TPR: variants seen among roughly 807,000 people sequenced by gnomAD.
The protein encoded by TPR is translocated promoter region, nuclear basket protein.
In TPR, 51 loss-of-function variants were observed where a neutral mutation model predicts 316.1. The observed-to-expected ratio is 0.16, with a 90% CI of 0.13 to 0.20. The LOEUF (loss-of-function observed/expected upper bound fraction) is 0.20, where lower values mean the gene tolerates loss of function less well. TPR is among the 10% of genes least tolerant of loss of function. The pLI is 1.00. For synonymous variants in TPR, 981 were observed against 914.7 expected (o/e 1.07, Z -1.31); for missense variants, 2,272 against 2,754.8 (o/e 0.82, Z 3.92).
intron 2 of TPR, among the ~76,000 whole-genome samples, chr1:186,372,090 C>T (rs1558043910): frequency 1.3e-5 from 2 of 152,098 alleles, no homozygotes; most frequent in South Asian, 4.1e-4. Flanking sequence ...ATATACATTA[C>T]GTTTTTAAAA....
chr1:186,355,318 A>C (rs1658992233), intron 17 of TPR, 92 bp downstream of exon 17: 1 of 1,371,800 alleles, frequency 7.3e-7, no homozygotes, highest in Non-Finnish European at 1.0e-6. Context: ...AAAAAAAGCA[A>C]CACTATTGCA....
intron 2 of TPR, among the ~76,000 whole-genome samples, chr1:186,371,742 T>C (rs973163123): frequency 1.3e-5 from 2 of 152,210 alleles, no homozygotes; most frequent in African/African-American, 4.8e-5. Flanking sequence ...TTAACTTCTA[T>C]TTAAAGAGGA....
Position 186,312,470 on chromosome 1 carries a change from C to T in TPR, c.*1501G>A, listed in dbSNP as rs1292949840. ...TTATGAAATATGGATACTGATCAAA[C>T]AGCCCTAATAATTTAAGCTTACTGA... is the stretch of plus-strand genomic sequence containing the variant. On this transcript the variant is annotated 3_prime_UTR_variant, in exon 51 of 51. Transcript: ENST00000367478. The T allele has an allele frequency of 2.8e-5, 33 of 1,182,842 alleles. No homozygotes were observed. Among genetic ancestry groups the T allele is most frequent in the Non-Finnish European group, 3.6e-5 (30 of 840,966 alleles). 73.3% of individuals were successfully genotyped at this position (1,182,842 alleles called of 1,614,324 possible). A position where few individuals can be genotyped will look rare whatever the true frequency, so the allele number is the denominator to read the frequency against.
chr1:186,327,710 C>T (rs1658044249), intron 39 of TPR, 50 bp from the exon 40 acceptor site: 1 of 1,496,804 alleles, frequency 6.7e-7, no homozygotes, highest in African/African-American at 1.4e-5. Flanking sequence ...ATAAACATAC[C>T]TAAAACTATA....
chr1:186,337,552 AT>A (rs11315416), intron 31 of TPR, among the ~76,000 whole-genome samples: 28,464 of 151,852 alleles, frequency 0.19, 3,020 homozygotes, highest in African/African-American at 0.29. Flanking sequence ...TTAATTGTGA[AT>A]TTTTTTTCTT....
chr1:186,367,766 C>T (rs1269726848), intron 4 of TPR, 120 bp downstream of exon 4: 3 of 612,038 alleles, frequency 4.9e-6, no homozygotes. Flanking sequence ...GATATGACAA[C>T]TCTATACTCA....
intron 40 of TPR, among the ~76,000 whole-genome samples, chr1:186,327,019 T>A (rs1361382469): frequency 1.2e-5 from 1 of 86,200 alleles, no homozygotes; most frequent in Non-Finnish European, 2.1e-5. Context: ...ATATAATATA[T>A]ATATTATATA....
chr1:186,375,089 C>A lies in TPR; in HGVS notation c.-61G>T, dbSNP rs1244208615. The stretch of plus-strand genomic sequence containing the variant: ...ACGGGGTAGAAGCGGAGAAGAAAGG[C>A]GAAGACCAGCAGGACCCAGACGCCT... On this transcript the variant is annotated 5_prime_UTR_variant, in exon 1 of 51. Coordinates refer to ENST00000367478, the MANE Select transcript of TPR (RefSeq NM_003292.3). 2.5e-6 allele frequency: 4 copies of A among 1,605,594 alleles called. No individual in the cohort carries two copies. The South Asian group carries it at 4.4e-5, about 18-fold the overall frequency.
At chr1:186,346,381 T>A in intron 22 of TPR, 94 bp from the exon 23 acceptor site, 1 of 1,260,950 alleles carries the variant, frequency 7.9e-7, no homozygotes, top group Non-Finnish European at 1.1e-6. Flanking sequence ...TGAGAAGTAA[T>A]AAAATTAATG....
intron 37 of TPR, 115 bp downstream of exon 37, chr1:186,333,006 AG>A: frequency 2.5e-6 from 3 of 1,203,832 alleles, no homozygotes; most frequent in Non-Finnish European, 3.4e-6. Context: ...ATAATTGCGT[AG>A]GTCTATTCTA....
intron 46 of TPR, among the ~76,000 whole-genome samples, chr1:186,319,275 C>T (rs1657704023): frequency 6.6e-6 from 1 of 152,210 alleles, no homozygotes; most frequent in Non-Finnish European, 1.5e-5. Context: ...AAGTGTGAGC[C>T]ACTGCACCTG....
In TPR at chr1:186,347,477, C is replaced by T. The variant is rs754189285; in HGVS notation, c.2777-19G>A. On this transcript the variant is annotated intron_variant, in intron 21 of 50. Transcript: ENST00000367478. The stretch of plus-strand genomic sequence containing the variant: ...GGCTGACCTAAAAGACATAACAGCT[C>T]TGTTAAAATTAACATTTTCAATAGT... 6.2e-7 allele frequency: 1 copy of T among 1,608,678 alleles called. No individual in the cohort carries two copies. Among genetic ancestry groups the T allele is most frequent in the Non-Finnish European group, 8.5e-7 (1 of 1,178,024 alleles).
At chr1:186,322,492 C>T (rs934419889) in intron 44 of TPR, 26 bp downstream of exon 44, 34 of 1,613,610 alleles carry the variant, frequency 2.1e-5, no homozygotes, top group Non-Finnish European at 2.7e-5. Context: ...AAATGAATTA[C>T]TTTTACATAA....
Position 186,344,543 on chromosome 1 carries a change from C to A in TPR, c.3249G>T (p.Glu1083Asp), listed in dbSNP as rs114087399. The change falls in exon 25 of 51, where the codon GAG becomes GAT. Residue 1083 changes from glutamate to aspartate, a missense_variant. Around this residue, in one of 10 missense-constraint regions of TPR, gnomAD observed 757 missense variants for 859.8 expected, o/e 0.88. Transcript: ENST00000367478. ...CAGCAGCATGCAGCATCAATTCTCTCTCATACTTATTCTGAGCTTCCACAG... is the reference window on the plus strand; with the variant it reads ...CAGCAGCATGCAGCATCAATTCTCTATCATACTTATTCTGAGCTTCCACAG... ...KIAVEAQNKY[E>D]RELMLHAADV... The A allele has an allele frequency of 3.9e-5, 63 of 1,602,962 alleles. No individual in the cohort carries two copies. The highest frequency in any genetic ancestry group is 5.0e-5 in the Non-Finnish European group (59 of 1,175,102).
intron 9 of TPR, 25 bp downstream of exon 9, chr1:186,361,597 T>C (rs1378105420): frequency 6.2e-7 from 1 of 1,603,062 alleles, no homozygotes; most frequent in African/African-American, 1.3e-5. Flanking sequence ...ACAAAAATAA[T>C]GTTCCCATAA....
At chr1:186,333,979 T>C (rs1042120307) in intron 36 of TPR, among the ~76,000 whole-genome samples, 4 of 152,146 alleles carry the variant, frequency 2.6e-5, no homozygotes, top group Non-Finnish European at 4.4e-5. Context: ...GTAAAAAGCA[T>C]GTATACCACA....
rs952120971 is a variant in TPR at position 186,361,780 on chromosome 1, G to A, written c.870+9C>T. The A allele has an allele frequency of 1.9e-6, 3 of 1,612,890 alleles. No homozygotes were observed. The African/African-American group carries it at 4.0e-5, about 22-fold the overall frequency. On this transcript the variant is annotated intron_variant, in intron 8 of 50. Transcript: ENST00000367478. The stretch of plus-strand genomic sequence containing the variant: ...ATTTAGATACTAACATGTGTGGTGG[G>A]ATATTTACCTTGTACAAATTAGAAA...
intron 48 of TPR, among the ~76,000 whole-genome samples, chr1:186,318,079 T>G (rs1312011954): frequency 1.3e-5 from 2 of 152,206 alleles, no homozygotes; most frequent in African/African-American, 4.8e-5. Flanking sequence ...CATCTTTCTC[T>G]CTTCCATTCA....
In TPR at chr1:186,363,377, A is replaced by G. The variant is rs752855436; in HGVS notation, c.496T>C (p.Leu166=). 5.6e-6 allele frequency: 9 copies of G among 1,612,704 alleles called. No individual in the cohort carries two copies. Among genetic ancestry groups the G allele is most frequent in the South Asian group, 5.5e-5 (5 of 91,024 alleles). ...NTTKGELQLK[L]DELQASDVSV... ...ACATCAGAAGCTTGAAGTTCATCCA[A>G]TTTTAACTGAAGTTCACCCTTTGTT... Residue 166 remains leucine (L), a synonymous_variant, in exon 5 of 51, where the codon TTG becomes CTG. Coordinates refer to ENST00000367478, the MANE Select transcript of TPR (RefSeq NM_003292.3).
Sources: gnomAD v4.1 joint callset for allele counts (sites outside exome capture counted in the v4.1 genomes callset) on GRCh38, gnomAD v4.1.1 for gene constraint, gnomAD v4.1.1 regional missense constraint, MANE v1.5 for transcripts, NCBI Gene and HGNC (gene_info 2026-07-23, HGNC 2026-07-21) for gene names.